Variants in DYNC2I1 observed in about 807,000 individuals in gnomAD.
DYNC2I1 encodes the protein cytoplasmic dynein 2 intermediate chain 1.
Under a neutral mutation model 133.4 loss-of-function variants are expected in DYNC2I1, and 89 were observed. The ratio of observed to expected loss-of-function variants is 0.67; its 90% CI spans 0.56 to 0.80. DYNC2I1 has a LOEUF of 0.80. Among genes scored for constraint, DYNC2I1 ranks in the 30% least tolerant of loss-of-function variants. DYNC2I1 has a pLI of 0.00. For missense variants in DYNC2I1, 1,291 were observed against 1,314.5 expected (o/e 0.98, Z 0.28); for synonymous variants, 504 against 484.3 (o/e 1.04, Z -0.54).
Position 158,916,100 on chromosome 7 carries a change from C to T in DYNC2I1, c.1791+1779C>T, listed in dbSNP as rs1370780951. ...GTTGAGATTAAGGATTGTGAAACGT[C>T]GACACGCTGGTTGACATTAAGGATG... On this transcript the variant is annotated intron_variant, in intron 14 of 24. Transcript: ENST00000407559. Among the ~76,000 whole-genome samples the T allele has an allele frequency of 4.3e-4, 34 of 79,010 alleles. 11 individuals carry two copies. The highest frequency in any genetic ancestry group is 1.4e-3 in the South Asian group (4 of 2,794). 51.8% of individuals were successfully genotyped at this position (79,010 alleles called of 152,430 possible).
intron 3 of DYNC2I1, among the ~76,000 whole-genome samples, chr7:158,875,111 T>TC (rs1843233029): frequency 7.5e-6 from 1 of 134,206 alleles, no homozygotes; most frequent in Non-Finnish European, 1.7e-5. Context: ...TTTTTTTTTT[T>TC]CTGAGAAGGA....
At chr7:158,924,587 C>A (rs10266731) in intron 17 of DYNC2I1, among the ~76,000 whole-genome samples, 348 of 151,746 alleles carry the variant, frequency 2.3e-3, no homozygotes, top group African/African-American at 6.7e-3. Context: ...TTGAATTTAT[C>A]GCAACTTATG....
the DYNC2I1 span, among the ~76,000 whole-genome samples, chr7:158,849,674 T>A: frequency 6.6e-6 from 1 of 152,314 alleles, no homozygotes; most frequent in South Asian, 2.1e-4. Flanking sequence ...TCCTGATGTC[T>A]GCAGCTCTCA....
In DYNC2I1 at chr7:158,913,034, A is replaced by G; in HGVS notation, c.1640A>G (p.Glu547Gly). ...AATGTTGAAAGAGACATTCAAACGG[A>G]GGAAATAGAGACCAGGGAAGTGTGG... ...EDNVERDIQTEEIETREVWTQ... is the reference protein window; with the variant it reads ...EDNVERDIQTGEIETREVWTQ... Residue 547 changes from glutamate (E) to glycine (G), a missense_variant, in exon 13 of 25, where the codon GAG becomes GGG. By Grantham distance (98) the Glu-to-Gly change is moderately conservative. Coordinates refer to ENST00000407559, the MANE Select transcript of DYNC2I1 (RefSeq NM_018051.5). 1.2e-6 allele frequency: 2 copies of G among 1,613,642 alleles called. No individual in the cohort carries two copies. The highest frequency in any genetic ancestry group is 1.7e-6 in the Non-Finnish European group (2 of 1,179,708).
chr7:158,935,804 G>T (rs1159126711), intron 23 of DYNC2I1, among the ~76,000 whole-genome samples: 1 of 152,188 alleles, frequency 6.6e-6, no homozygotes, highest in Non-Finnish European at 1.5e-5. Flanking sequence ...TGTGGCTCAC[G>T]CCTGTAATCC....
chr7:158,870,757 G>A (rs1215289352), intron 2 of DYNC2I1, among the ~76,000 whole-genome samples: 7 of 152,058 alleles, frequency 4.6e-5, no homozygotes, highest in Non-Finnish European at 1.0e-4. Context: ...CTTGTGGAGT[G>A]GTGAAGTCTG....
In DYNC2I1 at chr7:158,871,535, G is replaced by C; in HGVS notation, c.463G>C (p.Glu155Gln). 1 of 1,542,306 alleles carries C rather than the reference G, an allele frequency of 6.5e-7. No homozygotes were observed. The highest frequency in any genetic ancestry group is 8.7e-7 in the Non-Finnish European group (1 of 1,146,482). The change falls in exon 3 of 25, where the codon GAG becomes CAG. Residue 155 changes from glutamate (E) to glutamine (Q), a missense_variant. Physicochemically the swap from Glu to Gln is conservative, Grantham distance 29 (BLOSUM62 2). Transcript: ENST00000407559. Reference sequence around the variant, plus strand: ...GGAGACACGCGACCGGCAGCTCCTGGAGCGGGCGGAGAGGAAAGGCCGCTC... The same window carrying C: ...GGAGACACGCGACCGGCAGCTCCTGCAGCGGGCGGAGAGGAAAGGCCGCTC... ...GQETRDRQLL[E>Q]RAERKGRSVS... is the part of the protein sequence containing the mutation.
At chr7:158,901,395 T>C (rs1373973534) in intron 8 of DYNC2I1, among the ~76,000 whole-genome samples, 3 of 152,222 alleles carry the variant, frequency 2.0e-5, no homozygotes, top group African/African-American at 7.2e-5. Context: ...TTTAATGGTG[T>C]AGATAAGCTG....
chr7:158,879,905 T>C lies in DYNC2I1; in HGVS notation c.795T>C (p.Phe265=), dbSNP rs1304842326. The stretch of plus-strand genomic sequence containing the variant: ...AAGAAAAGCGACACAAAGAAGGTTT[T>C]CATTTTGATGATGAGAGGCACCAAA... ...RHKEKRHKEG[F]HFDDERHQSN... The change falls in exon 5 of 25, where the codon TTT becomes TTC. Residue 265 remains phenylalanine, a synonymous_variant. Coordinates refer to ENST00000407559, the MANE Select transcript of DYNC2I1 (RefSeq NM_018051.5). The C allele has an allele frequency of 6.2e-6, 10 of 1,613,144 alleles. No homozygotes were observed. Among genetic ancestry groups the C allele is most frequent in the Non-Finnish European group, 8.5e-6 (10 of 1,179,698 alleles).
At chr7:158,855,800 G>A (rs1448324326), upstream of DYNC2I1, among the ~76,000 whole-genome samples, 1 of 152,114 alleles carries the variant, frequency 6.6e-6, no homozygotes, top group Non-Finnish European at 1.5e-5. Flanking sequence ...GAGAGTTTTT[G>A]ATTTTCCCTT....
Position 158,945,889 on chromosome 7 carries a change from A to G in DYNC2I1, c.*110A>G. The G allele has an allele frequency of 9.7e-7, 1 of 1,032,276 alleles. No homozygotes were observed. The highest frequency in any genetic ancestry group is 3.1e-5 in the East Asian group (1 of 32,776). The allele number at this position is 1,032,276 out of a possible 1,614,324, so 63.9% of individuals were successfully genotyped here. On this transcript the variant is annotated 3_prime_UTR_variant, in exon 25 of 25. Transcript: ENST00000407559. This position sits in a 1 kb window ranked among gnomAD's most constrained non-coding sequence, Gnocchi z 4.1. ...ATATTTATGTATATAGACTATGTAT[A>G]TTCTGTATATAATTTATTTTACATG...
At chr7:158,890,325 TC>T (rs1845077805) in intron 7 of DYNC2I1, among the ~76,000 whole-genome samples, 1 of 152,176 alleles carries the variant, frequency 6.6e-6, no homozygotes, top group Non-Finnish European at 1.5e-5. Context: ...TTTTTTCTTT[TC>T]CAGAGGAGTA....
In DYNC2I1 at chr7:158,856,747, G is replaced by A; in HGVS notation, c.12G>A (p.Gly4=). Residue 4 remains glycine (G), a synonymous_variant, in exon 1 of 25, where the codon GGG becomes GGA. Coordinates refer to ENST00000407559, the MANE Select transcript of DYNC2I1 (RefSeq NM_018051.5). The stretch of plus-strand genomic sequence containing the variant: ...GCCTGCGGGAAGCGATGGAGCCCGG[G>A]AAGGTCGGTGCGGCGCTGGGTCTGG... The part of the protein sequence containing the change: MEP[G]KRRTKDDTWK... 2 of 1,234,884 alleles carry A rather than the reference G, an allele frequency of 1.6e-6. No individual in the cohort carries two copies. The allele number at this position is 1,234,884 out of a possible 1,614,324, so 76.5% of individuals were successfully genotyped here.
chr7:158,842,926 T>G, the DYNC2I1 span, among the ~76,000 whole-genome samples: 1 of 152,230 alleles, frequency 6.6e-6, no homozygotes, highest in African/African-American at 2.4e-5. Context: ...AGAGTATTAG[T>G]AGATGTCCAC....
chr7:158,873,358 C>T (rs75729908), intron 3 of DYNC2I1, among the ~76,000 whole-genome samples: 9,487 of 152,206 alleles, frequency 0.062, 387 homozygotes, highest in African/African-American at 0.11. Flanking sequence ...AGGATGGAAA[C>T]GAAGGGCCTT....
At chr7:158,891,226 C>T (rs1479082542) in intron 7 of DYNC2I1, 39 bp from the exon 8 acceptor site, 1 of 1,612,318 alleles carries the variant, frequency 6.2e-7, no homozygotes, top group Non-Finnish European at 8.5e-7. Context: ...TGGAGTCCCA[C>T]CTGTGTCCTG....
intron 5 of DYNC2I1, among the ~76,000 whole-genome samples, chr7:158,881,966 G>T (rs1332703150): frequency 6.6e-6 from 1 of 152,140 alleles, no homozygotes; most frequent in African/African-American, 2.4e-5. Context: ...AGTGACTTAG[G>T]TTACATGTGC....
At chr7:158,841,204 TATATATATATATA>T in the DYNC2I1 span, among the ~76,000 whole-genome samples, 2 of 52,752 alleles carry the variant, frequency 3.8e-5, no homozygotes, top group Non-Finnish European at 8.0e-5. Flanking sequence ...TATATATATA[TATATATATATATA>T]TATATTTTAG....
chr7:158,864,861 ATTTAAC>A (rs1011501072), intron 1 of DYNC2I1, among the ~76,000 whole-genome samples: 7 of 152,232 alleles, frequency 4.6e-5, no homozygotes, highest in Admixed American at 6.5e-5. Context: ...TCAAATCAGT[ATTTAAC>A]TTTAACCTCT....
Sources: allele counts gnomAD v4.1 joint callset (sites outside exome capture counted in the v4.1 genomes callset), GRCh38; gene constraint gnomAD v4.1.1; non-coding constraint Gnocchi (gnomAD v3.1); transcripts MANE v1.5; gene names NCBI Gene and HGNC (gene_info 2026-07-23, HGNC 2026-07-21).